Variants in TLN2 observed in about 807,000 individuals in gnomAD.
TLN2 encodes the protein talin 2, also known as talin-2.
In TLN2, 118 loss-of-function variants were observed where a neutral mutation model predicts 294.7. The observed-to-expected ratio is 0.40, with a 90% CI of 0.34 to 0.47. The LOEUF is 0.47. TLN2 is among the 20% of genes least tolerant of loss of function. TLN2 has a pLI of 0.84. For missense variants in TLN2, 3,083 were observed against 3,282.2 expected (o/e 0.94, Z 1.48); for synonymous variants, 1,431 against 1,304.5 (o/e 1.10, Z -2.09).
chr15:62,831,799 G>C (rs1328075549), intron 54 of TLN2: 2 of 152,226 alleles, frequency 1.3e-5, no homozygotes, highest in African/African-American at 4.8e-5. Flanking sequence ...AAAAGGATTA[G>C]CACCTTTCAT....
At position 62,840,660 on chromosome 15, in the gene TLN2, G is replaced by C. The variant is rs780651019; in HGVS notation, c.*50G>C. 5.7e-6 allele frequency: 9 copies of C among 1,586,504 alleles called. No homozygotes were observed. Among genetic ancestry groups the C allele is most frequent in the Admixed American group, 1.8e-5 (1 of 55,616 alleles). The stretch of plus-strand genomic sequence containing the variant: ...CCAGGGGATGGCCCTGGCTGAACTG[G>C]ACAGACAGTGTTCCTGAGAGGCTGG... On this transcript the variant is annotated 3_prime_UTR_variant, in exon 59 of 59. Transcript: ENST00000636159.
At chr15:62,681,358 A>G (rs926144986) in intron 11 of TLN2, among the ~76,000 whole-genome samples, 26 of 152,252 alleles carry the variant, frequency 1.7e-4, no homozygotes, top group African/African-American at 4.8e-4. Context: ...GAAACTCTAA[A>G]TAAGTAAATG....
At chr15:62,656,216 T>G (rs1471782889) in intron 8 of TLN2, 130 bp downstream of exon 8, 52 of 1,177,712 alleles carry the variant, frequency 4.4e-5, no homozygotes, top group Non-Finnish European at 4.9e-5. Context: ...CAGGCGCTGC[T>G]CGTGGGTCCC....
At chr15:62,722,597 A>T (rs1358180989) in intron 26 of TLN2, 110 bp downstream of exon 26, 2 of 1,337,070 alleles carry the variant, frequency 1.5e-6, no homozygotes, top group Non-Finnish European at 2.0e-6. Flanking sequence ...AAAGTTGTCC[A>T]TTCTACTTGC....
chr15:62,733,772 G>A (rs916416005), intron 28 of TLN2: 1 of 152,244 alleles, frequency 6.6e-6, no homozygotes, highest in African/African-American at 2.4e-5. Flanking sequence ...TACTGTGAAA[G>A]TAATCTGTGT....
intron 1 of TLN2, among the ~76,000 whole-genome samples, chr15:62,570,167 C>G (rs899142597): frequency 1.3e-5 from 2 of 152,172 alleles, no homozygotes; most frequent in East Asian, 1.9e-4. Context: ...TTCAAAGTGG[C>G]TCCATCCAAA....
chr15:62,782,967 A>G (rs1420769486), intron 44 of TLN2, among the ~76,000 whole-genome samples: 1 of 152,190 alleles, frequency 6.6e-6, no homozygotes, highest in East Asian at 1.9e-4. Context: ...TGCTTTTGTG[A>G]GAATTTAGAG....
In TLN2 at chr15:62,505,932, G is replaced by A. The variant is rs568099291; in HGVS notation, c.-237-83755G>A. On this transcript the variant is annotated intron_variant, in intron 1 of 58. Coordinates refer to ENST00000636159, the MANE Select transcript of TLN2 (RefSeq NM_015059.3). Reference sequence around the variant, plus strand: ...ACCTCCATGACTTGAGGCTAGTTACGTGATGGCTGAGTCAATGCCAGGTCT... The same window carrying A: ...ACCTCCATGACTTGAGGCTAGTTACATGATGGCTGAGTCAATGCCAGGTCT... 6.6e-5 allele frequency among the ~76,000 whole-genome samples: 10 copies of A among 152,266 alleles called. No homozygotes were observed. In the East Asian group the frequency reaches 9.6e-4, roughly 15 times the overall value.
chr15:62,395,084 T>C (rs539795778), intron 1 of TLN2, among the ~76,000 whole-genome samples: 21 of 152,238 alleles, frequency 1.4e-4, no homozygotes, highest in Non-Finnish European at 1.9e-4. Flanking sequence ...ACGTCTGTTA[T>C]TCACTCATTC....
intron 1 of TLN2, among the ~76,000 whole-genome samples, chr15:62,400,631 T>C (rs1240576732): frequency 1.3e-5 from 2 of 152,154 alleles, no homozygotes; most frequent in East Asian, 3.9e-4. Flanking sequence ...TTGATTTCTT[T>C]TAATAAAATG....
At chr15:62,624,376 C>T (rs542239266) in intron 3 of TLN2, among the ~76,000 whole-genome samples, 1 of 152,314 alleles carries the variant, frequency 6.6e-6, no homozygotes, top group Admixed American at 6.5e-5. Context: ...CTCCACTGCC[C>T]TTCCGACTGA....
At chr15:62,535,933 C>G (rs373920504) in intron 1 of TLN2, among the ~76,000 whole-genome samples, 3 of 152,172 alleles carry the variant, frequency 2.0e-5, no homozygotes, top group African/African-American at 7.2e-5. Context: ...TTGACAAATG[C>G]GCAAAGTCTT....
At chr15:62,546,024 G>C (rs967717060) in intron 1 of TLN2, among the ~76,000 whole-genome samples, 4 of 152,254 alleles carry the variant, frequency 2.6e-5, no homozygotes, top group African/African-American at 9.6e-5. Context: ...ATGAGGTGGG[G>C]CTGGAACATT....
chr15:62,492,701 A>C (rs955022242), intron 1 of TLN2, among the ~76,000 whole-genome samples: 1 of 152,172 alleles, frequency 6.6e-6, no homozygotes, highest in Non-Finnish European at 1.5e-5. Context: ...GAATGTCCCA[A>C]ACTGTGAAAT....
At chr15:62,713,914 ATGCTG>A (rs1391863797) in intron 22 of TLN2, among the ~76,000 whole-genome samples, 19 of 109,930 alleles carry the variant, frequency 1.7e-4, no homozygotes, top group East Asian at 4.2e-4. Flanking sequence ...ATATATATAT[ATGCTG>A]TGTGTGTGTA....
intron 3 of TLN2, among the ~76,000 whole-genome samples, chr15:62,620,837 C>CTTTTTTTTTTTTTTTTTTTT (rs71129016): frequency 1.5e-5 from 1 of 66,408 alleles, no homozygotes; most frequent in Non-Finnish European, 2.9e-5. Context: ...CTTTCTTTTT[C>CTTTTTTTTTTTTTTTTTTTT]TTTTTTTTTT....
At chr15:62,825,237 T>C (rs1257022572) in intron 54 of TLN2, among the ~76,000 whole-genome samples, 3 of 152,172 alleles carry the variant, frequency 2.0e-5, no homozygotes, top group African/African-American at 7.2e-5. Flanking sequence ...CGGCTTTGGT[T>C]TTGAGTCCAG....
intron 11 of TLN2, among the ~76,000 whole-genome samples, chr15:62,680,370 G>A (rs2056708943): frequency 6.6e-6 from 1 of 152,078 alleles, no homozygotes; most frequent in African/African-American, 2.4e-5. Context: ...TCCTGTACAT[G>A]TTTTAACAAT....
chr15:62,506,607 G>C (rs1005487839), intron 1 of TLN2, among the ~76,000 whole-genome samples: 4 of 152,204 alleles, frequency 2.6e-5, no homozygotes, highest in African/African-American at 9.7e-5. Context: ...GGTTGGGGGA[G>C]TTTTAAATTG....
Sources: allele counts gnomAD v4.1 joint callset (sites outside exome capture counted in the v4.1 genomes callset), GRCh38; gene constraint gnomAD v4.1.1; transcripts MANE v1.5; gene names NCBI Gene and HGNC (gene_info 2026-07-23, HGNC 2026-07-21).